The following ANKRD12 variants were observed in gnomAD, a reference collection of about 807,000 sequenced individuals.
The protein encoded by ANKRD12 is ankyrin repeat domain 12, also known as ankyrin repeat domain-containing protein 12.
A neutral mutation model predicts 183.4 loss-of-function variants in ANKRD12; 85 were observed. That is an observed-to-expected ratio of 0.46 (90% CI 0.39 to 0.56). ANKRD12 has a LOEUF of 0.56. Among genes scored for constraint, ANKRD12 ranks in the 20% least tolerant of loss-of-function variants. ANKRD12 has a pLI of 0.00. For missense variants in ANKRD12, 2,405 were observed against 2,357.1 expected, an observed-to-expected ratio of 1.02 and a Z score of -0.42; for synonymous variants, 914 against 800.2, an observed-to-expected ratio of 1.14 and a Z score of -2.40.
chr18:9,146,405 G>C (rs1455142231), intron 1 of ANKRD12, among the ~76,000 whole-genome samples: 1 of 152,030 alleles, frequency 6.6e-6, no homozygotes, highest in East Asian at 1.9e-4. Flanking sequence ...AGTTTTGGCT[G>C]GGCACAGTGG....
chr18:9,168,753 T>G (rs914390507), intron 1 of ANKRD12, among the ~76,000 whole-genome samples: 10 of 152,204 alleles, frequency 6.6e-5, no homozygotes, highest in Non-Finnish European at 1.3e-4. Context: ...ATTTCTTGCC[T>G]TCTGCTACCT....
chr18:9,195,751 T>G, intron 3 of ANKRD12, 53 bp downstream of exon 3: 1 of 1,557,264 alleles, frequency 6.4e-7, no homozygotes, highest in South Asian at 1.2e-5. Flanking sequence ...TTAATTCTGA[T>G]TTTTGTTTCT....
At chr18:9,218,658 CTTTTTTCTTTTTTT>C (rs1449249084) in intron 7 of ANKRD12, among the ~76,000 whole-genome samples, 39 of 143,326 alleles carry the variant, frequency 2.7e-4, no homozygotes, top group Middle Eastern at 4.0e-3. Context: ...TAAAACACTT[CTTTTTTCTTTTTTT>C]TTTTTTCTTT....
At chr18:9,226,367 G>A (rs1345399394) in intron 8 of ANKRD12, among the ~76,000 whole-genome samples, 8 of 152,180 alleles carry the variant, frequency 5.3e-5, no homozygotes, top group African/African-American at 1.9e-4. Flanking sequence ...AGAAGTTGCA[G>A]TAAGCTGAGT....
chr18:9,174,789 G>A (rs1567877488), intron 1 of ANKRD12, among the ~76,000 whole-genome samples: 1 of 152,116 alleles, frequency 6.6e-6, no homozygotes, highest in African/African-American at 2.4e-5. Context: ...TTTCTAATCG[G>A]CTATCTTGGC....
In ANKRD12 at chr18:9,255,166, T is replaced by G. The variant is rs1228631042; in HGVS notation, c.1899T>G (p.Phe633Leu). 1.3e-6 allele frequency: 2 copies of G among 1,584,192 alleles called. No individual in the cohort carries two copies. The highest frequency in any genetic ancestry group is 1.7e-6 in the Non-Finnish European group (2 of 1,171,166). ...AGGATGAAGATCATAGTCCAACATT[T>G]GAAAATTCAGATTGCACACTGAAAA... ...KIKDEDHSPT[F>L]ENSDCTLKKM... is the part of the protein sequence containing the mutation. Residue 633 changes from phenylalanine (F) to leucine (L), a missense_variant, in exon 9 of 13, where the codon TTT becomes TTG. Phe to Leu is a conservative substitution (Grantham distance 22, BLOSUM62 0). Coordinates refer to ENST00000262126, the MANE Select transcript of ANKRD12 (RefSeq NM_015208.5).
chr18:9,230,865 A>G (rs555121013), intron 8 of ANKRD12, among the ~76,000 whole-genome samples: 3 of 151,438 alleles, frequency 2.0e-5, no homozygotes, highest in African/African-American at 7.3e-5. Flanking sequence ...ATGGGGTTTC[A>G]CCATGTTGGC....
At chr18:9,260,768 CTT>C (rs2038920103) in intron 9 of ANKRD12, among the ~76,000 whole-genome samples, 1 of 152,192 alleles carries the variant, frequency 6.6e-6, no homozygotes, top group South Asian at 2.1e-4. Flanking sequence ...CTCCATATCT[CTT>C]TGGTGATTTT....
chr18:9,205,178 C>G (rs943970388), intron 4 of ANKRD12, among the ~76,000 whole-genome samples: 12 of 152,134 alleles, frequency 7.9e-5, no homozygotes, highest in Admixed American at 3.9e-4. Context: ...AGATAGAATA[C>G]AAGAGGATAT....
intron 5 of ANKRD12, among the ~76,000 whole-genome samples, chr18:9,209,257 G>A (rs921725582): frequency 4.6e-5 from 7 of 152,274 alleles, no homozygotes; most frequent in African/African-American, 1.4e-4. Flanking sequence ...ATAAAAGGGA[G>A]CTAAAAAGGT....
At chr18:9,160,332 C>CCT (rs1568234590) in intron 1 of ANKRD12, among the ~76,000 whole-genome samples, 1 of 152,224 alleles carries the variant, frequency 6.6e-6, no homozygotes, top group Non-Finnish European at 1.5e-5. Flanking sequence ...AGTCTGGTCT[C>CCT]AAACTCCTGG....
chr18:9,237,321 C>CA (rs1236796411), intron 8 of ANKRD12, among the ~76,000 whole-genome samples: 2 of 152,168 alleles, frequency 1.3e-5, no homozygotes, highest in Non-Finnish European at 2.9e-5. Context: ...GATTGATGGT[C>CA]ACTGGAGCTG....
At position 9,244,064 on chromosome 18, in the gene ANKRD12, G is replaced by A. The variant is rs1012238054; in HGVS notation, c.944-10147G>A. On this transcript the variant is annotated intron_variant, in intron 8 of 12. Coordinates refer to ENST00000262126, the MANE Select transcript of ANKRD12 (RefSeq NM_015208.5). ...CAGGAGAATCACTGGAACCTGGGAG[G>A]CGGAGGTTACAGTGAGCCGAGGTCG... is the stretch of plus-strand genomic sequence containing the variant. Among the ~76,000 whole-genome samples, 4 of 152,278 alleles carry A rather than the reference G, an allele frequency of 2.6e-5. No individual in the cohort carries two copies. The East Asian group carries it at 7.7e-4, about 29-fold the overall frequency.
chr18:9,199,838 T>G (rs534760991), intron 3 of ANKRD12, among the ~76,000 whole-genome samples: 1 of 152,284 alleles, frequency 6.6e-6, no homozygotes, highest in Admixed American at 6.5e-5. Context: ...CTAGTTCCTT[T>G]GTTGTTTTAT....
At chr18:9,230,847 T>C (rs969870261) in intron 8 of ANKRD12, among the ~76,000 whole-genome samples, 3 of 151,756 alleles carry the variant, frequency 2.0e-5, no homozygotes, top group Non-Finnish European at 2.9e-5. Context: ...TTTTTTTTTT[T>C]AGTAGAGATG....
At chr18:9,180,643 T>C (rs1011757938) in intron 1 of ANKRD12, among the ~76,000 whole-genome samples, 2 of 152,182 alleles carry the variant, frequency 1.3e-5, no homozygotes, top group Admixed American at 1.3e-4. Context: ...AGTATACATC[T>C]TGCACCCAGA....
chr18:9,169,895 T>C (rs546989642), intron 1 of ANKRD12, among the ~76,000 whole-genome samples: 48 of 152,344 alleles, frequency 3.2e-4, no homozygotes, highest in African/African-American at 1.1e-3. Context: ...GGAGCTCTTT[T>C]AGGGCAGGCC....
Position 9,284,094 on chromosome 18 carries a change from T to G in ANKRD12, c.*2968T>G, listed in dbSNP as rs1357597005. 2 of 152,210 alleles carry G rather than the reference T, an allele frequency of 1.3e-5. No homozygotes were observed. The highest frequency in any genetic ancestry group is 1.3e-4 in the Admixed American group (2 of 15,280). 9.4% of individuals were successfully genotyped at this position (152,210 alleles called of 1,614,324 possible). On this transcript the variant is annotated 3_prime_UTR_variant, in exon 13 of 13. Coordinates refer to ENST00000262126, the MANE Select transcript of ANKRD12 (RefSeq NM_015208.5). Reference sequence around the variant, plus strand: ...TATGTCTAAAAATATGTACATAAGTTTAAAAATATTTTATTGCTAAAAATG... The same window carrying G: ...TATGTCTAAAAATATGTACATAAGTGTAAAAATATTTTATTGCTAAAAATG...
intron 1 of ANKRD12, 36 bp from the exon 2 acceptor site, chr18:9,182,346 A>G (rs2033759047): frequency 1.2e-5 from 4 of 323,396 alleles, no homozygotes; most frequent in Non-Finnish European, 2.1e-5. Context: ...TATTGTATAT[A>G]TATTCAAATA....
Sources: allele counts gnomAD v4.1 joint callset (sites outside exome capture counted in the v4.1 genomes callset), GRCh38; gene constraint gnomAD v4.1.1; transcripts MANE v1.5; gene names NCBI Gene and HGNC (gene_info 2026-07-23, HGNC 2026-07-21).